SEMA6D: variants seen among roughly 807,000 people sequenced by gnomAD.
SEMA6D encodes the protein semaphorin 6D.
Under a neutral mutation model 106.6 loss-of-function variants are expected in SEMA6D, and 35 were observed. The ratio of observed to expected loss-of-function variants is 0.33; its 90% CI spans 0.25 to 0.44. The LOEUF (loss-of-function observed/expected upper bound fraction) is 0.44. SEMA6D is among the 20% of genes least tolerant of loss of function. The pLI, the probability that SEMA6D is intolerant of heterozygous loss-of-function variation, is 1.00. For missense variants in SEMA6D, 1,185 were observed against 1,345.9 expected, an observed-to-expected ratio of 0.88 and a Z score of 1.87; for synonymous variants, 499 against 487.7, an observed-to-expected ratio of 1.02 and a Z score of -0.31.
At chr15:47,554,317 G>A (rs2045854369) in intron 3 of SEMA6D, among the ~76,000 whole-genome samples, 1 of 152,168 alleles carries the variant, frequency 6.6e-6, no homozygotes, top group African/African-American at 2.4e-5. Flanking sequence ...ACAAGAGTCA[G>A]AACACTGTAG....
intron 4 of SEMA6D, among the ~76,000 whole-genome samples, chr15:47,657,423 TG>T (rs2077818039): frequency 6.6e-6 from 1 of 152,174 alleles, no homozygotes; most frequent in Non-Finnish European, 1.5e-5. Context: ...CTTTTTCCTA[TG>T]TTTTTAATAT....
At chr15:47,749,033 A>C (rs2081287555) in intron 1 of SEMA6D, among the ~76,000 whole-genome samples, 1 of 15,006 alleles carries the variant, frequency 6.7e-5, no homozygotes, top group African/African-American at 8.3e-5. Flanking sequence ...GAAGAACATG[A>C]AAAAAAATAG....
At chr15:47,385,756 C>A (rs4368110) in intron 1 of SEMA6D, among the ~76,000 whole-genome samples, 1 of 151,976 alleles carries the variant, frequency 6.6e-6, no homozygotes, top group Non-Finnish European at 1.5e-5. Flanking sequence ...GTAACTGAAT[C>A]CCAAGTCAAG....
chr15:47,247,021 A>G (rs1004454102), intron 1 of SEMA6D, among the ~76,000 whole-genome samples: 12 of 152,294 alleles, frequency 7.9e-5, no homozygotes, highest in African/African-American at 2.6e-4. Context: ...AATGTTATCA[A>G]TCTATTGACT....
intron 4 of SEMA6D, among the ~76,000 whole-genome samples, chr15:47,624,421 C>T (rs76520838): frequency 0.024 from 3,683 of 152,292 alleles, 74 homozygotes; most frequent in Non-Finnish European, 0.034. Flanking sequence ...AGGACTGTGT[C>T]ATTTTTTATT....
At chr15:47,277,468 A>G (rs995533781) in intron 1 of SEMA6D, among the ~76,000 whole-genome samples, 10 of 151,986 alleles carry the variant, frequency 6.6e-5, no homozygotes, top group Non-Finnish European at 1.0e-4. Context: ...CAGAGAGGCA[A>G]ACCATCAACA....
rs965295310 is a variant in SEMA6D at position 47,425,915 on chromosome 15, A to C, written c.-159+13443A>C. ...CTTCTAATTTTCCAGCCTAATAAAC[A>C]CCTGTTCTAATTACTTTTAATCATT... On this transcript the variant is annotated intron_variant, in intron 2 of 19. Coordinates refer to the SEMA6D transcript ENST00000558014. Among the ~76,000 whole-genome samples the C allele has an allele frequency of 3.9e-5, 6 of 151,944 alleles. No homozygotes were observed. The East Asian group carries it at 9.7e-4, about 25-fold the overall frequency.
chr15:47,726,678 C>T (rs1287442669), intron 1 of SEMA6D, among the ~76,000 whole-genome samples: 1 of 152,252 alleles, frequency 6.6e-6, no homozygotes, highest in South Asian at 2.1e-4. Flanking sequence ...TACCCACCTC[C>T]TAGGGGTGTT....
intron 3 of SEMA6D, among the ~76,000 whole-genome samples, chr15:47,487,507 T>A (rs1450553638): frequency 6.6e-6 from 1 of 152,230 alleles, no homozygotes; most frequent in African/African-American, 2.4e-5. Context: ...TGCATATCTA[T>A]ACATGTATGT....
intron 4 of SEMA6D, among the ~76,000 whole-genome samples, chr15:47,647,165 A>G (rs1008562242): frequency 4.6e-5 from 7 of 152,226 alleles, no homozygotes; most frequent in Non-Finnish European, 8.8e-5. Context: ...CAATTTTCCT[A>G]TGAGAGCAAC....
At chr15:47,257,993 A>C (rs1175933051) in intron 1 of SEMA6D, among the ~76,000 whole-genome samples, 1 of 152,204 alleles carries the variant, frequency 6.6e-6, no homozygotes, top group East Asian at 1.9e-4. Flanking sequence ...TTTTATCATT[A>C]TACTTATCTC....
chr15:47,338,154 T>A (rs1015323072), intron 1 of SEMA6D, among the ~76,000 whole-genome samples: 2 of 152,154 alleles, frequency 1.3e-5, no homozygotes, highest in African/African-American at 4.8e-5. Context: ...GCAATTAAAA[T>A]GTCCCTTCCA....
chr15:47,590,824 C>T (rs2076425083), intron 3 of SEMA6D, among the ~76,000 whole-genome samples: 1 of 152,148 alleles, frequency 6.6e-6, no homozygotes, highest in African/African-American at 2.4e-5. Flanking sequence ...CATGGCCCTG[C>T]CAACACCTTG....
At chr15:47,674,533 T>C (rs974996346) in intron 4 of SEMA6D, among the ~76,000 whole-genome samples, 1 of 152,222 alleles carries the variant, frequency 6.6e-6, no homozygotes, top group Non-Finnish European at 1.5e-5. Flanking sequence ...TTGCCTCCTT[T>C]AGTGACATTC....
chr15:47,717,787 G>GTGTGTGTGTGTT lies in SEMA6D; in HGVS notation c.-55+103_-55+104insTGTTTGTGTGTG, dbSNP rs2079171332. ...AATCGCTGTGTGTGTGTGTGTGTGT[G>GTGTGTGTGTGTT]TGTGTGTGCGCGCGGTGGGGGTCGG... On this transcript the variant is annotated intron_variant, in intron 1 of 18. Transcript: ENST00000536845. The GTGTGTGTGTGTT allele has an allele frequency of 1.4e-5, 2 of 145,450 alleles. 1 individual carries two copies. The highest frequency in any genetic ancestry group is 5.8e-5 in the African/African-American group (2 of 34,328). 9.0% of individuals were successfully genotyped at this position (145,450 alleles called of 1,614,324 possible).
chr15:47,434,863 A>G (rs2140629996), intron 2 of SEMA6D, among the ~76,000 whole-genome samples: 1 of 152,250 alleles, frequency 6.6e-6, no homozygotes, highest in African/African-American at 2.4e-5. Context: ...AATATGCCAG[A>G]TGGGAAGAAA....
chr15:47,718,232 G>T (rs1052267828), intron 1 of SEMA6D, among the ~76,000 whole-genome samples: 2 of 152,192 alleles, frequency 1.3e-5, no homozygotes, highest in African/African-American at 2.4e-5. Flanking sequence ...GCCCCCTCCC[G>T]CCCGTTGGCC....
At chr15:47,669,973 C>T (rs966752427) in intron 4 of SEMA6D, among the ~76,000 whole-genome samples, 11 of 152,208 alleles carry the variant, frequency 7.2e-5, no homozygotes, top group African/African-American at 2.7e-4. Flanking sequence ...TGTCCTTGTT[C>T]AGTTCCCCAG....
At chr15:47,715,352 C>T (rs955722191), upstream of SEMA6D, among the ~76,000 whole-genome samples, 18 of 152,178 alleles carry the variant, frequency 1.2e-4, no homozygotes, top group African/African-American at 3.9e-4. Context: ...ATGGTAGCTG[C>T]ATAAAGAGTT....
Sources: gnomAD v4.1 joint callset for allele counts (sites outside exome capture counted in the v4.1 genomes callset) on GRCh38, gnomAD v4.1.1 for gene constraint, MANE v1.5 for transcripts, NCBI Gene and HGNC (gene_info 2026-07-23, HGNC 2026-07-21) for gene names.